Variants in DACH2 observed in about 807,000 individuals in gnomAD.
The protein encoded by DACH2 is dachshund homolog 2.
DACH2 carries 17 observed loss-of-function variants against 35.8 expected under a neutral mutation model. The ratio of observed to expected loss-of-function variants is 0.48; its 90% CI spans 0.33 to 0.71. The LOEUF is 0.71. Among genes scored for constraint, DACH2 ranks in the 30% least tolerant of loss-of-function variants. The probability of loss-of-function intolerance (pLI) is 0.02; values close to 1 mark genes in which losing one functional copy is unlikely to be tolerated. For synonymous variants in DACH2, 195 were observed against 177.3 expected, an observed-to-expected ratio of 1.10 and a Z score of -0.79; for missense variants, 469 against 472.7, an observed-to-expected ratio of 0.99 and a Z score of 0.07.
chrX:86,670,805 T>C (rs1343456098), intron 4 of DACH2, among the ~76,000 whole-genome samples: 1 of 112,198 alleles, frequency 8.9e-6, no homozygotes, highest in Non-Finnish European at 1.9e-5. Context: ...AATTACAGTA[T>C]GTTGACTCTT....
chrX:86,305,271 C>A (rs1279889727), intron 1 of DACH2, among the ~76,000 whole-genome samples: 2 of 111,786 alleles, frequency 1.8e-5, no homozygotes, highest in Non-Finnish European at 3.8e-5. Context: ...ATGTACTATG[C>A]CAGCTCCTTA....
chrX:86,705,478 G>A (rs770174569), intron 5 of DACH2, among the ~76,000 whole-genome samples: 1 of 110,977 alleles, frequency 9.0e-6, no homozygotes, highest in Non-Finnish European at 1.9e-5. Context: ...ATGACCAAGA[G>A]CATATGAGAA....
chrX:86,468,422 C>A (rs1461060252), intron 2 of DACH2, among the ~76,000 whole-genome samples: 1 of 110,864 alleles, frequency 9.0e-6, no homozygotes, highest in Non-Finnish European at 1.9e-5. Flanking sequence ...TCTTGGTATA[C>A]CATCTATCAT....
intron 4 of DACH2, among the ~76,000 whole-genome samples, chrX:86,687,542 G>A (rs779621597): frequency 9.0e-6 from 1 of 111,718 alleles, no homozygotes; most frequent in Admixed American, 9.6e-5. Context: ...CCATTAGTGG[G>A]CATATACCCA....
intron 3 of DACH2, among the ~76,000 whole-genome samples, chrX:86,578,608 G>A (rs2039464591): frequency 9.0e-6 from 1 of 111,581 alleles, no homozygotes; most frequent in Admixed American, 9.5e-5. Flanking sequence ...GGACTGGTAG[G>A]TCGTTCCTTT....
At chrX:86,216,972 C>T (rs1178152705) in intron 1 of DACH2, among the ~76,000 whole-genome samples, 2 of 109,616 alleles carry the variant, frequency 1.8e-5, no homozygotes, top group African/African-American at 6.7e-5. Flanking sequence ...TCACCTGTAA[C>T]CCCAGCTACT....
intron 2 of DACH2, among the ~76,000 whole-genome samples, chrX:86,509,183 A>G (rs1362484373): frequency 1.8e-5 from 2 of 111,305 alleles, no homozygotes; most frequent in Admixed American, 9.7e-5. Context: ...GGATATGCGT[A>G]TAAGATCTGA....
intron 1 of DACH2, among the ~76,000 whole-genome samples, chrX:86,250,877 G>A (rs2033386344): frequency 9.0e-6 from 1 of 111,170 alleles, no homozygotes; most frequent in Non-Finnish European, 1.9e-5. Context: ...TAACAACTGA[G>A]GCTACAGCAT....
At chrX:86,435,713 G>A (rs1602515767) in intron 2 of DACH2, among the ~76,000 whole-genome samples, 1 of 111,632 alleles carries the variant, frequency 9.0e-6, no homozygotes, top group Non-Finnish European at 1.9e-5. Context: ...AGCATTGTAC[G>A]TAAATGACCC....
At chrX:86,704,433 A>T (rs2041185133) in intron 5 of DACH2, among the ~76,000 whole-genome samples, 1 of 111,423 alleles carries the variant, frequency 9.0e-6, no homozygotes, top group African/African-American at 3.3e-5. Flanking sequence ...AATAAAAATA[A>T]ATAAATAAAT....
At chrX:86,800,180 T>A (rs1373316705) in intron 7 of DACH2, among the ~76,000 whole-genome samples, 1 of 112,585 alleles carries the variant, frequency 8.9e-6, no homozygotes, top group Non-Finnish European at 1.9e-5. Flanking sequence ...AAAATATTCC[T>A]CTTTGTCTAA....
intron 4 of DACH2, among the ~76,000 whole-genome samples, chrX:86,667,083 TAAAAAAAA>T (rs66948603): frequency 1.8e-5 from 1 of 55,746 alleles, no homozygotes; most frequent in Non-Finnish European, 3.0e-5. Flanking sequence ...CCATCTCTAC[TAAAAAAAA>T]AAAAAAAAAA....
intron 1 of DACH2, among the ~76,000 whole-genome samples, chrX:86,245,566 G>A (rs1297640245): frequency 8.9e-6 from 1 of 111,889 alleles, no homozygotes; most frequent in Non-Finnish European, 1.9e-5. Context: ...GGAATGCTGA[G>A]CTGATCTTTG....
At chrX:86,230,865 T>A (rs2032933370) in intron 1 of DACH2, among the ~76,000 whole-genome samples, 1 of 112,213 alleles carries the variant, frequency 8.9e-6, no homozygotes, top group Non-Finnish European at 1.9e-5. Flanking sequence ...GTTATTTAAA[T>A]TTTCTCTCTT....
intron 2 of DACH2, among the ~76,000 whole-genome samples, chrX:86,433,861 T>G (rs746984662): frequency 9.0e-6 from 1 of 111,557 alleles, no homozygotes; most frequent in East Asian, 2.8e-4. Flanking sequence ...TAGCAGGAGT[T>G]TATTATATTT....
At chrX:86,479,545 C>A (rs2037904565) in intron 2 of DACH2, among the ~76,000 whole-genome samples, 1 of 111,654 alleles carries the variant, frequency 9.0e-6, no homozygotes, top group South Asian at 3.7e-4. Context: ...TGTCTTTATC[C>A]CTTTAAATAA....
intron 1 of DACH2, among the ~76,000 whole-genome samples, chrX:86,155,758 C>G (rs2030524013): frequency 9.0e-6 from 1 of 110,776 alleles, no homozygotes; most frequent in African/African-American, 3.3e-5. Context: ...TCTTTGAAAG[C>G]CTACACAGTA....
chrX:86,153,672 T>C (rs1602237392), intron 1 of DACH2, among the ~76,000 whole-genome samples: 1 of 111,835 alleles, frequency 8.9e-6, no homozygotes, highest in Non-Finnish European at 1.9e-5. Context: ...GATAGTCATA[T>C]TGTCTGTTAA....
At chrX:86,187,112 A>G (rs971535882) in intron 1 of DACH2, among the ~76,000 whole-genome samples, 8 of 111,762 alleles carry the variant, frequency 7.2e-5, no homozygotes, top group Admixed American at 6.7e-4. Context: ...TAGTTAATGA[A>G]GTATTACAGA....
Sources: gnomAD v4.1 joint callset for allele counts (sites outside exome capture counted in the v4.1 genomes callset) on GRCh38, gnomAD v4.1.1 for gene constraint, MANE v1.5 for transcripts, NCBI Gene and HGNC (gene_info 2026-07-23, HGNC 2026-07-21) for gene names.